The following CRLF1 variants were observed in gnomAD, a reference collection of about 807,000 sequenced individuals.
CRLF1 encodes the protein cytokine receptor-like factor 1.
CRLF1 carries 36 observed loss-of-function variants against 48.9 expected under a neutral mutation model. The observed-to-expected ratio is 0.74, with a 90% CI of 0.56 to 0.97. CRLF1 has a LOEUF of 0.97. Ranked by LOEUF, CRLF1 falls within the 50% of genes least tolerant of loss-of-function variation. The probability of loss-of-function intolerance (pLI) is 0.00; values close to 1 mark genes in which losing one functional copy is unlikely to be tolerated. For missense variants in CRLF1, 534 were observed against 575.1 expected, an observed-to-expected ratio of 0.93 and a Z score of 0.73; for synonymous variants, 256 against 253.4, an observed-to-expected ratio of 1.01 and a Z score of -0.10.
Position 18,597,025 on chromosome 19 carries a change from A to T in CRLF1, c.722T>A (p.Val241Glu), listed in dbSNP as rs1022095314. Reference protein sequence around the residue: ...DVVTTDPPPDVHVSRVGGLED... With the variant: ...DVVTTDPPPDEHVSRVGGLED... Reference sequence around the variant, plus strand: ...CAGGCCCCCGACGCGGCTCACGTGCACGTCGGGCGGGGGGTCCGTGGTCAC... The same window carrying T: ...CAGGCCCCCGACGCGGCTCACGTGCTCGTCGGGCGGGGGGTCCGTGGTCAC... Residue 241 changes from valine to glutamate, a missense_variant, in exon 5 of 9, where the codon GTG becomes GAG. Coordinates refer to ENST00000392386, the MANE Select transcript of CRLF1 (RefSeq NM_004750.5). 1.9e-6 allele frequency: 3 copies of T among 1,612,840 alleles called. No individual in the cohort carries two copies. Among genetic ancestry groups the T allele is most frequent in the Admixed American group, 1.7e-5 (1 of 59,958 alleles).
Position 18,606,461 on chromosome 19 carries a change from G to T in CRLF1, c.115+81C>A, listed in dbSNP as rs907826821. 3 of 1,031,168 alleles carry T rather than the reference G, an allele frequency of 2.9e-6. No individual in the cohort carries two copies. The highest frequency in any genetic ancestry group is 3.5e-5 in the African/African-American group (2 of 57,948). The allele number at this position is 1,031,168 out of a possible 1,614,324, so 63.9% of individuals were successfully genotyped here. On this transcript the variant is annotated intron_variant, in intron 1 of 8. Coordinates refer to ENST00000392386, the MANE Select transcript of CRLF1 (RefSeq NM_004750.5). This position sits in a 1 kb window ranked among gnomAD's most constrained non-coding sequence, Gnocchi z 4.8. ...CCCCGGCCGTCCAGGTGGCGCCCGC[G>T]CCCCCTCCCCCCGCGGCTGCCCCCG... is the stretch of plus-strand genomic sequence containing the variant.
At chr19:18,594,176 C>A in intron 7 of CRLF1, 69 bp from the exon 8 acceptor site, 2 of 1,599,780 alleles carry the variant, frequency 1.3e-6, no homozygotes, top group Non-Finnish European at 8.5e-7. Context: ...GCTGTCTTCC[C>A]CCTCCCCTGT....
intron 8 of CRLF1, 88 bp downstream of exon 8, chr19:18,593,977 G>T (rs1489726930): frequency 1.3e-6 from 2 of 1,517,980 alleles, no homozygotes; most frequent in Non-Finnish European, 8.9e-7. Flanking sequence ...CTGGGGTTGG[G>T]AGGCGTGGGG....
In CRLF1 at chr19:18,598,613, G is replaced by A. The variant is rs113671968; in HGVS notation, c.528-12C>T. The A allele has an allele frequency of 2.5e-6, 4 of 1,613,888 alleles. No homozygotes were observed. In the African/African-American group the frequency reaches 4.0e-5, roughly 16 times the overall value. ...CCTGGCCATACCACCTGCGGGGATG[G>A]GAGGGCGACAGGACGCATGAGGGTT... On this transcript the variant is annotated splice_polypyrimidine_tract_variant and intron_variant, in intron 3 of 8. Transcript: ENST00000392386.
chr19:18,604,150 A>G (rs1976257574), intron 1 of CRLF1, among the ~76,000 whole-genome samples: 1 of 152,012 alleles, frequency 6.6e-6, no homozygotes, highest in Non-Finnish European at 1.5e-5. Context: ...CTGGGCAGGA[A>G]GGGGCTCTCT....
In CRLF1 at chr19:18,596,608, A is replaced by T. The variant is rs1415046568; in HGVS notation, c.1024+14T>A. ...ACTGGCCGCTGGATCACCCAGCCCTAGGAGGGTGCTCACCACTGCGGGGAG... is the reference window on the plus strand; with the variant it reads ...ACTGGCCGCTGGATCACCCAGCCCTTGGAGGGTGCTCACCACTGCGGGGAG... On this transcript the variant is annotated intron_variant, in intron 6 of 8. Transcript: ENST00000392386. 1.2e-6 allele frequency: 2 copies of T among 1,613,404 alleles called. No individual in the cohort carries two copies. Among genetic ancestry groups the T allele is most frequent in the African/African-American group, 2.7e-5 (2 of 74,902 alleles).
chr19:18,598,776 G>A lies in CRLF1; in HGVS notation c.523C>T (p.Leu175Phe). The A allele has an allele frequency of 6.2e-7, 1 of 1,614,112 alleles. No individual in the cohort carries two copies. The highest frequency in any genetic ancestry group is 1.1e-5 in the South Asian group (1 of 91,082). The change falls in exon 3 of 9, where the codon CTT becomes TTT. Residue 175 changes from leucine to phenylalanine, a missense_variant. Coordinates refer to ENST00000392386, the MANE Select transcript of CRLF1 (RefSeq NM_004750.5). ...CGCCCTCAGGCCACCACCAACCTAA[G>A]CTTGTACTTGAGGGAGTAGTTGGTG... Reference protein sequence around the residue: ...LHTNYSLKYKLRWYGQDNTCE... With the variant: ...LHTNYSLKYKFRWYGQDNTCE...
At chr19:18,599,948 G>A in intron 1 of CRLF1, 102 bp from the exon 2 acceptor site, 6 of 1,205,784 alleles carry the variant, frequency 5.0e-6, no homozygotes, top group Non-Finnish European at 6.7e-6. Flanking sequence ...AAAAGACGCT[G>A]TTAATGATTG....
intron 6 of CRLF1, 136 bp downstream of exon 6, chr19:18,596,477 TTGCAGTGAG>T (rs888183962): frequency 2.2e-5 from 22 of 1,013,970 alleles, no homozygotes; most frequent in Non-Finnish European, 2.9e-5. Context: ...GAGGCAGAGG[TTGCAGTGAG>T]TGCAGATCAC....
intron 1 of CRLF1, among the ~76,000 whole-genome samples, chr19:18,605,494 T>C (rs1600658310): frequency 6.6e-6 from 1 of 152,324 alleles, no homozygotes; most frequent in African/African-American, 2.4e-5. Context: ...GAGTGGTGCC[T>C]GCCTCTGTGC....
At chr19:18,605,355 G>A (rs2145338114) in intron 1 of CRLF1, among the ~76,000 whole-genome samples, 1 of 152,260 alleles carries the variant, frequency 6.6e-6, no homozygotes, top group Admixed American at 6.5e-5. Context: ...CTTCCCGGAG[G>A]AGCCCTACAG....
At chr19:18,595,226 C>T (rs1464479061) in intron 6 of CRLF1, among the ~76,000 whole-genome samples, 1 of 152,352 alleles carries the variant, frequency 6.6e-6, no homozygotes, top group South Asian at 2.1e-4. Flanking sequence ...TCCCCGGCCT[C>T]CCCAGCCTCC....
rs1210449714 is a variant in CRLF1 at position 18,593,308 on chromosome 19, CCTT to C, written c.*255_*257del. The C allele has an allele frequency of 1.8e-6, 1 of 543,666 alleles. No individual in the cohort carries two copies. Among genetic ancestry groups the C allele is most frequent in the Non-Finnish European group, 3.3e-6 (1 of 301,228 alleles). The allele number at this position is 543,666 out of a possible 1,614,324, so 33.7% of individuals were successfully genotyped here. A position where few individuals can be genotyped will look rare whatever the true frequency, so the allele number is the denominator to read the frequency against. Reference sequence around the variant, plus strand: ...CTAGGTAATGGGGAGTAATGACTCCCCTTCTCACCCCCAGCCCTGGCAGGGGTT... The same window carrying C: ...CTAGGTAATGGGGAGTAATGACTCCCCTCACCCCCAGCCCTGGCAGGGGTT... On this transcript the variant is annotated 3_prime_UTR_variant, in exon 9 of 9. Coordinates refer to ENST00000392386, the MANE Select transcript of CRLF1 (RefSeq NM_004750.5).
At position 18,606,031 on chromosome 19, in the gene CRLF1, C is replaced by T. The variant is rs1976289515; in HGVS notation, c.115+511G>A. Among the ~76,000 whole-genome samples, 1 of 151,676 alleles carries T rather than the reference C, an allele frequency of 6.6e-6. No homozygotes were observed. Among genetic ancestry groups the T allele is most frequent in the Admixed American group, 6.6e-5 (1 of 15,260 alleles). On this transcript the variant is annotated intron_variant, in intron 1 of 8. Coordinates refer to ENST00000392386, the MANE Select transcript of CRLF1 (RefSeq NM_004750.5). The surrounding 1 kb of genome is among the most constrained non-coding windows in gnomAD (Gnocchi z 4.8). The stretch of plus-strand genomic sequence containing the variant: ...GGGCGGTGGCGCCGGCCCGTGGAGA[C>T]ACAAGTCCCCCGGGACCCCGGGCTG...
chr19:18,596,527 CAAA>C (rs1290436774), intron 6 of CRLF1, 92 bp downstream of exon 6: 1 of 1,474,126 alleles, frequency 6.8e-7, no homozygotes, highest in East Asian at 2.4e-5. Flanking sequence ...GGCCGTGTCT[CAAA>C]AGAAAAAAAA....
chr19:18,597,022 T>A lies in CRLF1; in HGVS notation c.725A>T (p.His242Leu). 1 of 1,612,890 alleles carries A rather than the reference T, an allele frequency of 6.2e-7. No homozygotes were observed. Among genetic ancestry groups the A allele is most frequent in the Non-Finnish European group, 8.5e-7 (1 of 1,179,666 alleles). ...CTCCAGGCCCCCGACGCGGCTCACGTGCACGTCGGGCGGGGGGTCCGTGGT... is the reference window on the plus strand; with the variant it reads ...CTCCAGGCCCCCGACGCGGCTCACGAGCACGTCGGGCGGGGGGTCCGTGGT... ...VVTTDPPPDV[H>L]VSRVGGLEDQ... is the part of the protein sequence containing the mutation. Residue 242 changes from histidine to leucine, a missense_variant, in exon 5 of 9, where the codon CAC becomes CTC. This residue lies in a region of CRLF1 where 528 missense variants were observed against 555.7 expected (regional missense o/e 0.95). Coordinates refer to ENST00000392386, the MANE Select transcript of CRLF1 (RefSeq NM_004750.5).
At chr19:18,597,877 A>G (rs1440761688) in intron 4 of CRLF1, among the ~76,000 whole-genome samples, 1 of 151,672 alleles carries the variant, frequency 6.6e-6, no homozygotes, top group East Asian at 1.9e-4. Context: ...GCTACAACCC[A>G]GGCGTATGTG....
At chr19:18,601,699 T>C (rs1380715488) in intron 1 of CRLF1, among the ~76,000 whole-genome samples, 1 of 152,230 alleles carries the variant, frequency 6.6e-6, no homozygotes, top group Non-Finnish European at 1.5e-5. Flanking sequence ...TCATTGCGCC[T>C]GGCCTAACAG....
At chr19:18,597,429 C>CTATTTTTTTTTT (rs1332128835) in intron 4 of CRLF1, among the ~76,000 whole-genome samples, 2 of 72,524 alleles carry the variant, frequency 2.8e-5, no homozygotes, top group Non-Finnish European at 2.5e-5. Context: ...CTCCCTTCCA[C>CTATTTTTTTTTT]TCTTTTTTTT....
Sources: allele counts gnomAD v4.1 joint callset (sites outside exome capture counted in the v4.1 genomes callset), GRCh38; gene constraint gnomAD v4.1.1; regional missense constraint gnomAD v4.1.1; non-coding constraint Gnocchi (gnomAD v3.1); transcripts MANE v1.5; gene names NCBI Gene and HGNC (gene_info 2026-07-23, HGNC 2026-07-21).